EVI5: variants seen among roughly 807,000 people sequenced by gnomAD.
EVI5 encodes the protein ecotropic viral integration site 5 protein homolog.
In EVI5, 73 loss-of-function variants were observed where a neutral mutation model predicts 112.0. The observed-to-expected ratio is 0.65, with a 90% confidence interval of 0.54 to 0.79. EVI5 has a LOEUF of 0.79. Among genes scored for constraint, EVI5 ranks in the 30% least tolerant of loss-of-function variants. The pLI is 0.00. For missense variants in EVI5, 900 were observed against 968.8 expected (o/e 0.93, Z 0.94); for synonymous variants, 305 against 319.9 (o/e 0.95, Z 0.50).
intron 19 of EVI5, among the ~76,000 whole-genome samples, chr1:92,535,314 T>C (rs1389647557): frequency 2.6e-5 from 4 of 152,094 alleles, no homozygotes; most frequent in African/African-American, 4.8e-5. Context: ...TTGGTGGGAG[T>C]GTAAATTAGT....
chr1:92,566,964 G>A (rs544809562), intron 18 of EVI5, among the ~76,000 whole-genome samples: 17 of 151,990 alleles, frequency 1.1e-4, no homozygotes, highest in African/African-American at 2.7e-4. Flanking sequence ...ACACCACCAT[G>A]CCTAGCTAAT....
intron 18 of EVI5, among the ~76,000 whole-genome samples, chr1:92,602,797 T>C (rs112551097): frequency 6.6e-6 from 1 of 152,066 alleles, no homozygotes; most frequent in Non-Finnish European, 1.5e-5. Flanking sequence ...AAAAATGGAC[T>C]TGGAGCACAG....
At chr1:92,577,351 T>C (rs958546851) in intron 18 of EVI5, among the ~76,000 whole-genome samples, 3 of 152,244 alleles carry the variant, frequency 2.0e-5, no homozygotes, top group Non-Finnish European at 2.9e-5. Context: ...TTTAAGGGAT[T>C]AGCTCACACC....
intron 19 of EVI5, among the ~76,000 whole-genome samples, chr1:92,531,260 C>G (rs865885318): frequency 4.5e-4 from 60 of 132,544 alleles, no homozygotes; most frequent in African/African-American, 1.5e-3. Flanking sequence ...AAGAAACAAA[C>G]AAAGCCTCCA....
intron 19 of EVI5, among the ~76,000 whole-genome samples, chr1:92,516,884 CAAA>C (rs5776148): frequency 4.9e-5 from 7 of 142,076 alleles, no homozygotes; most frequent in Non-Finnish European, 4.6e-5. Flanking sequence ...CCCTTTCCTC[CAAA>C]AAAAAAAAAA....
rs1408400493 is a variant in EVI5 at position 92,612,822 on chromosome 1, A to G, written c.1828-5095T>C. Among the ~76,000 whole-genome samples, 4 of 152,150 alleles carry G rather than the reference A, an allele frequency of 2.6e-5. No homozygotes were observed. The South Asian group carries it at 6.2e-4, about 24-fold the overall frequency. On this transcript the variant is annotated intron_variant, in intron 16 of 19. Coordinates refer to ENST00000684568, the MANE Select transcript of EVI5 (RefSeq NM_001350197.2). ...AAGCACTTTCTCACCTGAGGCAGAT[A>G]CGGCCACAAGCTAAGAATGATACAG... is the stretch of plus-strand genomic sequence containing the variant.
intron 1 of EVI5, among the ~76,000 whole-genome samples, chr1:92,765,610 T>G (rs971888869): frequency 6.6e-6 from 1 of 152,040 alleles, no homozygotes; most frequent in Admixed American, 6.6e-5. Flanking sequence ...GCCACTTTAT[T>G]TCCCAGGCAT....
intron 17 of EVI5, among the ~76,000 whole-genome samples, chr1:92,606,470 T>C (rs1650407352): frequency 1.3e-5 from 2 of 152,264 alleles, no homozygotes; most frequent in East Asian, 1.9e-4. Context: ...CAAATCAGAC[T>C]GATACAACCT....
rs973854559 is a variant in EVI5 at position 92,739,860 on chromosome 1, C to T, written c.-81-3233G>A. Among the ~76,000 whole-genome samples the T allele has an allele frequency of 2.0e-5, 3 of 151,534 alleles. No individual in the cohort carries two copies. In the East Asian group the frequency reaches 5.8e-4, roughly 29 times the overall value. On this transcript the variant is annotated intron_variant, in intron 1 of 19. Coordinates refer to ENST00000684568, the MANE Select transcript of EVI5 (RefSeq NM_001350197.2). ...CACATTTCTAGAGTATAATATTCCC[C>T]CCTGGGTAAAGGGTACTATTGTGGG...
At chr1:92,654,882 A>G (rs1453245539) in intron 13 of EVI5, among the ~76,000 whole-genome samples, 1 of 152,222 alleles carries the variant, frequency 6.6e-6, no homozygotes, top group African/African-American at 2.4e-5. Context: ...ACAATCTCAG[A>G]GCTTAAAGAC....
chr1:92,674,943 T>C (rs191163087), intron 10 of EVI5, among the ~76,000 whole-genome samples: 1 of 152,356 alleles, frequency 6.6e-6, no homozygotes, highest in East Asian at 1.9e-4. Flanking sequence ...CCGATTCTTC[T>C]CTATAGACAA....
chr1:92,688,318 G>A (rs1668903407), intron 9 of EVI5, among the ~76,000 whole-genome samples: 1 of 152,126 alleles, frequency 6.6e-6, no homozygotes. Context: ...TCACTCATAG[G>A]TGGGAGCTGA....
rs147173220 is a variant in EVI5 at position 92,520,719 on chromosome 1, C to T, written c.2167-6749G>A. ...CACAAAAATTAGCTGGGCGTGGTGGCGTGTACCTGTAGTCCCAACTACTCA... is the reference window on the plus strand; with the variant it reads ...CACAAAAATTAGCTGGGCGTGGTGGTGTGTACCTGTAGTCCCAACTACTCA... On this transcript the variant is annotated intron_variant, in intron 19 of 19. Coordinates refer to ENST00000684568, the MANE Select transcript of EVI5 (RefSeq NM_001350197.2). 8.0e-4 allele frequency among the ~76,000 whole-genome samples: 121 copies of T among 151,710 alleles called. No individual in the cohort carries two copies. The East Asian group carries it at 0.016, about 20-fold the overall frequency.
At chr1:92,662,932 G>T in intron 12 of EVI5, 67 bp from the exon 13 acceptor site, 1 of 825,394 alleles carries the variant, frequency 1.2e-6, no homozygotes, top group Non-Finnish European at 1.5e-6. Flanking sequence ...GCCTTTGTGA[G>T]GTTTAGTTAT....
At chr1:92,788,551 C>T (rs567697359), upstream of EVI5, among the ~76,000 whole-genome samples, 2 of 151,648 alleles carry the variant, frequency 1.3e-5, no homozygotes, top group East Asian at 3.9e-4. Flanking sequence ...AATCCCAGCA[C>T]TTTGGGAGGC....
intron 19 of EVI5, among the ~76,000 whole-genome samples, chr1:92,561,740 C>T (rs752468562): frequency 2.0e-5 from 3 of 151,984 alleles, no homozygotes; most frequent in African/African-American, 7.3e-5. Flanking sequence ...CAGGTTCAAG[C>T]GATTCTCCTG....
At chr1:92,697,827 C>T (rs762301515) in intron 6 of EVI5, 33 bp downstream of exon 6, 30 of 1,571,848 alleles carry the variant, frequency 1.9e-5, no homozygotes, top group Admixed American at 3.6e-5. Flanking sequence ...AATATAAAGG[C>T]AATATGCCTT....
chr1:92,538,313 C>T (rs531360754), intron 19 of EVI5, among the ~76,000 whole-genome samples: 1 of 152,342 alleles, frequency 6.6e-6, no homozygotes, highest in South Asian at 2.1e-4. Context: ...TAAATCACTT[C>T]ACACTTGTTT....
intron 16 of EVI5, chr1:92,622,173 G>C (rs1347680872): frequency 1.1e-5 from 2 of 185,380 alleles, no homozygotes; most frequent in African/African-American, 4.8e-5. Flanking sequence ...TTAAAAACCT[G>C]AATCTAGCAA....
Sources: gnomAD v4.1 joint callset for allele counts (sites outside exome capture counted in the v4.1 genomes callset) on GRCh38, gnomAD v4.1.1 for gene constraint, MANE v1.5 for transcripts, NCBI Gene and HGNC (gene_info 2026-07-23, HGNC 2026-07-21) for gene names.